TMPRSS15: variants seen among roughly 807,000 people sequenced by gnomAD.
TMPRSS15 encodes the protein enteropeptidase.
In TMPRSS15, 128 loss-of-function variants were observed where a neutral mutation model predicts 125.3. The observed-to-expected ratio is 1.02, with a 90% CI of 0.89 to 1.18. The LOEUF is 1.18. Ranked by LOEUF, TMPRSS15 falls within the 50% of genes most tolerant of loss-of-function variation. The probability of loss-of-function intolerance (pLI) is 0.00; values close to 1 mark genes in which losing one functional copy is unlikely to be tolerated. For synonymous variants in TMPRSS15, 446 were observed against 423.2 expected, an observed-to-expected ratio of 1.05 and a Z score of -0.66; for missense variants, 1,283 against 1,212.7, an observed-to-expected ratio of 1.06 and a Z score of -0.86.
intron 3 of TMPRSS15, among the ~76,000 whole-genome samples, chr21:18,386,229 A>C (rs898313540): frequency 3.3e-5 from 5 of 152,124 alleles, no homozygotes; most frequent in Admixed American, 3.3e-4. Flanking sequence ...TGAGGCTTAG[A>C]GTAATGTAGG....
intron 3 of TMPRSS15, among the ~76,000 whole-genome samples, chr21:18,391,764 G>A (rs945833264): frequency 1.3e-5 from 2 of 152,208 alleles, no homozygotes; most frequent in African/African-American, 4.8e-5. Flanking sequence ...CTTCTGCACT[G>A]CTCTAGCAGA....
In TMPRSS15 at chr21:18,275,253, T is replaced by A. The variant is rs150307724; in HGVS notation, c.2848A>T (p.Ile950Phe). ...CCTGCACATATCATATTTTCAGTAA[T>A]GTTATATTCTGGCATCTGCTGTTGG... Reference protein sequence around the residue: ...RCQQQMPEYNITENMICAGYE... With the variant: ...RCQQQMPEYNFTENMICAGYE... The change falls in exon 24 of 25, where the codon ATT (isoleucine) becomes TTT (phenylalanine). Residue 950 changes from isoleucine to phenylalanine, a missense_variant. Coordinates refer to ENST00000284885, the MANE Select transcript of TMPRSS15 (RefSeq NM_002772.3). 142 of 1,614,072 alleles carry A rather than the reference T, an allele frequency of 8.8e-5. No individual in the cohort carries two copies. The African/African-American group carries it at 1.6e-3, about 19-fold the overall frequency.
rs774414500 is a variant in TMPRSS15 at position 18,270,027 on chromosome 21, G to A, written c.3002C>T (p.Pro1001Leu). 6 of 1,613,704 alleles carry A rather than the reference G, an allele frequency of 3.7e-6. No homozygotes were observed. In the East Asian group the frequency reaches 1.3e-4, roughly 36 times the overall value. Residue 1001 changes from proline (P) to leucine (L), a missense_variant, in exon 25 of 25, where the codon CCC becomes CTC. Transcript: ENST00000284885. ...FGYKCALPNRPGVYARVSRFT... is the reference protein window; with the variant it reads ...FGYKCALPNRLGVYARVSRFT... ...CCTTGAGACCCTGGCATACACTCCG[G>A]GGCGATTAGGCAGGGCACACTTGTA...
At chr21:18,395,764 A>G (rs1222489035) in intron 3 of TMPRSS15, among the ~76,000 whole-genome samples, 2 of 152,198 alleles carry the variant, frequency 1.3e-5, no homozygotes. Flanking sequence ...AGACAAGAAA[A>G]CTGTAATAAT....
At chr21:18,345,280 T>G (rs887135901) in intron 10 of TMPRSS15, among the ~76,000 whole-genome samples, 12 of 152,188 alleles carry the variant, frequency 7.9e-5, no homozygotes, top group African/African-American at 2.2e-4. Flanking sequence ...TGAGTACATA[T>G]CTTAGCTATT....
intron 19 of TMPRSS15, among the ~76,000 whole-genome samples, chr21:18,294,853 A>G (rs2074883255): frequency 6.6e-6 from 1 of 152,146 alleles, no homozygotes; most frequent in Non-Finnish European, 1.5e-5. Context: ...TTATTCTACC[A>G]TTTCTATGTG....
At chr21:18,353,115 G>A (rs112626659) in intron 9 of TMPRSS15, 63 bp from the exon 10 acceptor site, 11 of 1,422,972 alleles carry the variant, frequency 7.7e-6, no homozygotes, top group African/African-American at 7.1e-5. Context: ...AGTTATATTA[G>A]ATTGTATTGA....
chr21:18,438,002 T>C (rs2076231893), intron 1 of TMPRSS15, among the ~76,000 whole-genome samples: 1 of 151,496 alleles, frequency 6.6e-6, no homozygotes, highest in Non-Finnish European at 1.5e-5. Flanking sequence ...CTATAAATCA[T>C]GCTGCTATAA....
intron 10 of TMPRSS15, among the ~76,000 whole-genome samples, chr21:18,345,904 T>G (rs532589343): frequency 1.5e-4 from 23 of 151,844 alleles, no homozygotes; most frequent in Non-Finnish European, 2.9e-4. Context: ...TAATTTGAAA[T>G]AGTTTGAATC....
intron 21 of TMPRSS15, among the ~76,000 whole-genome samples, chr21:18,284,117 T>C (rs2074734867): frequency 6.6e-6 from 1 of 152,232 alleles, no homozygotes; most frequent in Non-Finnish European, 1.5e-5. Context: ...TCAGTATCTA[T>C]GAGCAGCACC....
At chr21:18,396,792 A>ATCTGTCTGTCTG (rs796799787) in intron 3 of TMPRSS15, among the ~76,000 whole-genome samples, 4 of 112,792 alleles carry the variant, frequency 3.5e-5, no homozygotes, top group African/African-American at 1.4e-4. Context: ...AAAAAAAAAA[A>ATCTGTCTGTCTG]TCTGTCTGTC....
intron 1 of TMPRSS15, among the ~76,000 whole-genome samples, chr21:18,474,069 G>C (rs929246158): frequency 6.6e-6 from 1 of 151,746 alleles, no homozygotes; most frequent in Non-Finnish European, 1.5e-5. Context: ...ACTTTCAAAG[G>C]GGCAGTTTTT....
At chr21:18,459,799 T>C (rs1978518056) in intron 1 of TMPRSS15, among the ~76,000 whole-genome samples, 1 of 152,216 alleles carries the variant, frequency 6.6e-6, no homozygotes, top group Admixed American at 6.6e-5. Context: ...TCTTCAGACT[T>C]GTTACTTCTC....
At chr21:18,447,044 G>T (rs933416925) in intron 1 of TMPRSS15, among the ~76,000 whole-genome samples, 2 of 152,106 alleles carry the variant, frequency 1.3e-5, no homozygotes, top group African/African-American at 4.8e-5. Context: ...CTCTCTAGGG[G>T]TTAATATACA....
rs11088674 is a variant in TMPRSS15, at chr21:18,315,200, T to C, written c.1978A>G (p.Asn660Asp). ...CKNGECVPLV[N>D]LCDGHLHCED... Reference sequence around the variant, plus strand: ...CAGTGCAGATGACCGTCACAGAGATTCACCAGTGGAACACACTCTCCATTT... The same window carrying C: ...CAGTGCAGATGACCGTCACAGAGATCCACCAGTGGAACACACTCTCCATTT... Residue 660 changes from asparagine (N) to aspartate (D), a missense_variant, in exon 17 of 25, where the codon AAT becomes GAT. Physicochemically the swap from Asn to Asp is conservative, Grantham distance 23. Transcript: ENST00000284885. The C allele has an allele frequency of 1.9e-6, 3 of 1,613,874 alleles. No homozygotes were observed. The South Asian group carries it at 3.3e-5, about 18-fold the overall frequency.
intron 1 of TMPRSS15, among the ~76,000 whole-genome samples, chr21:18,465,635 A>G (rs1266102267): frequency 6.6e-6 from 1 of 152,238 alleles, no homozygotes; most frequent in Non-Finnish European, 1.5e-5. Context: ...ACAGAGAGCC[A>G]AATCATGAGT....
intron 3 of TMPRSS15, among the ~76,000 whole-genome samples, chr21:18,395,544 T>C (rs985377224): frequency 2.4e-4 from 36 of 152,236 alleles, no homozygotes; most frequent in Non-Finnish European, 3.1e-4. Context: ...TTTAGTTTGC[T>C]AAATGAATTG....
intron 9 of TMPRSS15, among the ~76,000 whole-genome samples, chr21:18,353,330 C>T (rs55744439): frequency 0.023 from 3,495 of 151,634 alleles, 87 homozygotes; most frequent in African/African-American, 0.056. Flanking sequence ...ATCTTGTTTC[C>T]ATTGGTTCAC....
intron 1 of TMPRSS15, among the ~76,000 whole-genome samples, chr21:18,413,789 A>G (rs1053632556): frequency 6.6e-6 from 1 of 151,792 alleles, no homozygotes; most frequent in African/African-American, 2.4e-5. Context: ...GTGCAGTGGT[A>G]TGATCATAGC....
Sources: gnomAD v4.1 joint callset for allele counts (sites outside exome capture counted in the v4.1 genomes callset) on GRCh38, gnomAD v4.1.1 for gene constraint, MANE v1.5 for transcripts, NCBI Gene and HGNC (gene_info 2026-07-23, HGNC 2026-07-21) for gene names.